The following EEFSEC variants were observed in gnomAD, a reference collection of about 807,000 sequenced individuals.
EEFSEC encodes eukaryotic elongation factor, selenocysteine-tRNA specific.
A neutral mutation model predicts 42.1 loss-of-function variants in EEFSEC; 43 were observed. The ratio of observed to expected loss-of-function variants is 1.02; its 90% CI spans 0.80 to 1.32. EEFSEC has a LOEUF of 1.32. EEFSEC is among the 40% of genes most tolerant of loss of function. The pLI is 0.00. For synonymous variants in EEFSEC, 354 were observed against 339.1 expected (o/e 1.04, Z -0.48); for missense variants, 745 against 803.6 (o/e 0.93, Z 0.88).
chr3:128,324,611 A>G (rs1198152040), intron 4 of EEFSEC, among the ~76,000 whole-genome samples: 3 of 152,142 alleles, frequency 2.0e-5, no homozygotes, highest in African/African-American at 4.8e-5. Context: ...TTATTTTCTG[A>G]TAGCCAACTT....
intron 4 of EEFSEC, among the ~76,000 whole-genome samples, chr3:128,284,519 C>T (rs1485708144): frequency 1.3e-5 from 2 of 152,172 alleles, no homozygotes; most frequent in Non-Finnish European, 2.9e-5. Context: ...GTTACTGGAG[C>T]CTCAGAGAGG....
chr3:128,342,746 G>A (rs1023160343), intron 5 of EEFSEC, among the ~76,000 whole-genome samples: 1 of 152,228 alleles, frequency 6.6e-6, no homozygotes, highest in African/African-American at 2.4e-5. Context: ...CAGCACCTGG[G>A]CCCAGTGCTG....
At chr3:128,299,138 C>A (rs764604096) in intron 4 of EEFSEC, among the ~76,000 whole-genome samples, 5 of 152,092 alleles carry the variant, frequency 3.3e-5, no homozygotes, top group African/African-American at 7.2e-5. Flanking sequence ...TTTTGAGGAA[C>A]CTCCATACTG....
At chr3:128,186,544 A>G (rs1328097138) in intron 1 of EEFSEC, among the ~76,000 whole-genome samples, 1 of 152,172 alleles carries the variant, frequency 6.6e-6, no homozygotes, top group African/African-American at 2.4e-5. Context: ...TCTCAGTTTT[A>G]TAGTTTTAGC....
intron 1 of EEFSEC, among the ~76,000 whole-genome samples, chr3:128,196,673 T>C (rs371616546): frequency 7.2e-5 from 11 of 152,184 alleles, no homozygotes; most frequent in African/African-American, 2.4e-4. Context: ...GAATACACAA[T>C]TTAAGTGTTT....
chr3:128,421,999 G>GA, the EEFSEC span, among the ~76,000 whole-genome samples: 7 of 152,080 alleles, frequency 4.6e-5, no homozygotes, highest in African/African-American at 1.2e-4. Context: ...GTGGTTTGTG[G>GA]AAAAAAACAG....
At chr3:128,219,731 G>T (rs193228821) in intron 1 of EEFSEC, among the ~76,000 whole-genome samples, 8 of 151,510 alleles carry the variant, frequency 5.3e-5, no homozygotes, top group Admixed American at 3.3e-4. Flanking sequence ...TTGTTAAATG[G>T]CTGCATTCCC....
chr3:128,386,141 G>A (rs139489923), intron 6 of EEFSEC, among the ~76,000 whole-genome samples: 7 of 152,310 alleles, frequency 4.6e-5, no homozygotes, highest in African/African-American at 1.7e-4. Context: ...TGGTGGCAAT[G>A]GGTATGGCAG....
At chr3:128,249,053 G>T (rs768222645) in intron 2 of EEFSEC, among the ~76,000 whole-genome samples, 80 of 152,180 alleles carry the variant, frequency 5.3e-4, no homozygotes, top group Non-Finnish European at 8.1e-4. Context: ...ATGAAGCAAA[G>T]AACTTCTTTA....
chr3:128,250,031 G>A (rs112088970), intron 2 of EEFSEC, among the ~76,000 whole-genome samples: 1,774 of 152,072 alleles, frequency 0.012, 16 homozygotes, highest in Non-Finnish European at 0.016. Context: ...ATGGTTTAAT[G>A]GCCATTTGTG....
chr3:128,398,492 C>T (rs1051053825), intron 6 of EEFSEC, among the ~76,000 whole-genome samples: 1 of 152,148 alleles, frequency 6.6e-6, no homozygotes, highest in Non-Finnish European at 1.5e-5. Context: ...CTTCAGTGAG[C>T]AGCTGAACTG....
intron 4 of EEFSEC, among the ~76,000 whole-genome samples, chr3:128,334,001 C>T (rs1032302545): frequency 1.3e-5 from 2 of 152,114 alleles, no homozygotes; most frequent in Non-Finnish European, 2.9e-5. Context: ...AAACAGGAAA[C>T]ATGGGAGGTT....
intron 4 of EEFSEC, among the ~76,000 whole-genome samples, chr3:128,281,635 C>G (rs992900447): frequency 6.6e-6 from 1 of 152,056 alleles, no homozygotes; most frequent in Non-Finnish European, 1.5e-5. Flanking sequence ...TTGGCTGGGT[C>G]TCACTGTCTT....
rs114727243 is a variant in EEFSEC at position 128,348,378 on chromosome 3, A to G, written c.1443+6489A>G. Among the ~76,000 whole-genome samples the G allele has an allele frequency of 2.6e-3, 393 of 152,194 alleles. 1 individual carries two copies. The highest frequency in any genetic ancestry group is 8.7e-3 in the African/African-American group (360 of 41,504). On this transcript the variant is annotated intron_variant, in intron 5 of 6. Transcript: ENST00000254730. ...AGGCTGTTTCTCATACTATCATAGA[A>G]TGTTGAATCTTAGTAATAAAATTTT...
At chr3:128,334,605 G>T (rs1333172139) in intron 4 of EEFSEC, among the ~76,000 whole-genome samples, 2 of 152,228 alleles carry the variant, frequency 1.3e-5, no homozygotes, top group African/African-American at 4.8e-5. Context: ...CTGCCTGTGG[G>T]GTTTTTTATG....
At chr3:128,365,322 C>T (rs2067577584) in intron 6 of EEFSEC, among the ~76,000 whole-genome samples, 1 of 152,278 alleles carries the variant, frequency 6.6e-6, no homozygotes, top group East Asian at 1.9e-4. Flanking sequence ...ACGGGTCAGA[C>T]GAGGCCAAGG....
In EEFSEC at chr3:128,328,229, G is replaced by A. The variant is rs80108845; in HGVS notation, c.787-13004G>A. On this transcript the variant is annotated intron_variant, in intron 4 of 6. Coordinates refer to ENST00000254730, the MANE Select transcript of EEFSEC (RefSeq NM_021937.5). Reference sequence around the variant, plus strand: ...TGGCCCCAAGTCCAGCATGCTCACTGCTGACAGTGGGCACCCACAGAAGTG... The same window carrying A: ...TGGCCCCAAGTCCAGCATGCTCACTACTGACAGTGGGCACCCACAGAAGTG... Among the ~76,000 whole-genome samples the A allele has an allele frequency of 3.9e-4, 59 of 152,344 alleles. 2 individuals are homozygous for A. In the East Asian group the frequency reaches 0.011, roughly 29 times the overall value.
chr3:128,352,022 T>C (rs1055748116), intron 5 of EEFSEC, among the ~76,000 whole-genome samples: 1 of 152,270 alleles, frequency 6.6e-6, no homozygotes, highest in Non-Finnish European at 1.5e-5. Flanking sequence ...TCTGAAGGTC[T>C]TTCCTCATTG....
intron 2 of EEFSEC, among the ~76,000 whole-genome samples, chr3:128,248,136 A>C (rs1234079570): frequency 6.6e-6 from 1 of 152,208 alleles, no homozygotes; most frequent in African/African-American, 2.4e-5. Context: ...GACAGACCTC[A>C]TTGTTTTATC....
Sources: allele counts gnomAD v4.1 joint callset (sites outside exome capture counted in the v4.1 genomes callset), GRCh38; gene constraint gnomAD v4.1.1; transcripts MANE v1.5; gene names NCBI Gene and HGNC (gene_info 2026-07-23, HGNC 2026-07-21).